The following PSMA1 variants were observed in gnomAD, a reference collection of about 807,000 sequenced individuals.
PSMA1 encodes proteasome 20S subunit alpha 1.
Under a neutral mutation model 38.4 loss-of-function variants are expected in PSMA1, and 3 were observed. That is an observed-to-expected ratio of 0.08 (90% CI 0.04 to 0.20). The LOEUF (loss-of-function observed/expected upper bound fraction) is 0.20, where lower values mean the gene tolerates loss of function less well. Among genes scored for constraint, PSMA1 ranks in the 10% least tolerant of loss-of-function variants. PSMA1 has a pLI of 1.00. For missense variants in PSMA1, 227 were observed against 325.3 expected (o/e 0.70, Z 2.32); for synonymous variants, 101 against 107.1 (o/e 0.94, Z 0.35).
In PSMA1 at chr11:14,559,806, G is replaced by C. The variant is rs547551860; in HGVS notation, c.22-40765C>G. Among the ~76,000 whole-genome samples, 3 of 152,322 alleles carry C rather than the reference G, an allele frequency of 2.0e-5. No homozygotes were observed. In the South Asian group the frequency reaches 6.2e-4, roughly 32 times the overall value. On this transcript the variant is annotated intron_variant, in intron 2 of 10. Coordinates refer to the PSMA1 transcript ENST00000418988. The stretch of plus-strand genomic sequence containing the variant: ...AAAATGAATATAACTGTTGTATCCT[G>C]AGTTCCCTAGAAATAGACTCTGAGA...
At chr11:14,558,249 C>CAAAA (rs35509045) in intron 2 of PSMA1, among the ~76,000 whole-genome samples, 77 of 77,566 alleles carry the variant, frequency 9.9e-4, no homozygotes, top group Middle Eastern at 7.2e-3. Context: ...CCCATCTGCA[C>CAAAA]AAAAAAAAAA....
chr11:14,639,481 C>T (rs970313036), intron 1 of PSMA1, among the ~76,000 whole-genome samples: 6 of 152,156 alleles, frequency 3.9e-5, no homozygotes, highest in Non-Finnish European at 8.8e-5. Flanking sequence ...TGAGGACTTG[C>T]TGTAGGCTAA....
At chr11:14,516,177 T>C (rs1341693159) in intron 4 of PSMA1, among the ~76,000 whole-genome samples, 2 of 148,106 alleles carry the variant, frequency 1.4e-5, no homozygotes, top group Non-Finnish European at 3.0e-5. Context: ...ACCACTGCAC[T>C]CTAGCCTGGG....
chr11:14,540,284 C>T (rs1589987289), intron 2 of PSMA1, among the ~76,000 whole-genome samples: 1 of 152,278 alleles, frequency 6.6e-6, no homozygotes, highest in East Asian at 1.9e-4. Context: ...CATCCAGCTA[C>T]GTTGTCTCAG....
intron 2 of PSMA1, among the ~76,000 whole-genome samples, chr11:14,592,126 A>G (rs1469645488): frequency 6.6e-6 from 1 of 152,074 alleles, no homozygotes; most frequent in Non-Finnish European, 1.5e-5. Context: ...ACCCGCCACA[A>G]GGAAGAAACT....
chr11:14,508,561 C>CAAAAAA lies in PSMA1; in HGVS notation c.625-801_625-796dup, dbSNP rs60499933. Among the ~76,000 whole-genome samples the CAAAAAA allele has an allele frequency of 4.2e-4, 20 of 47,120 alleles. 1 individual carries two copies. Among genetic ancestry groups the CAAAAAA allele is most frequent in the East Asian group, 2.3e-3 (3 of 1,292 alleles). The allele number at this position is 47,120 out of a possible 152,430, so 30.9% of individuals were successfully genotyped here. ...TCCTCTTCCAGTCACCACTCCATCT[C>CAAAAAA]AAAAAAAAAAAAAAAACCCAGATTG... On this transcript the variant is annotated intron_variant, in intron 8 of 9. Coordinates refer to ENST00000396394, the MANE Select transcript of PSMA1 (RefSeq NM_002786.4).
chr11:14,565,114 T>A (rs960219954), intron 2 of PSMA1, among the ~76,000 whole-genome samples: 28 of 152,254 alleles, frequency 1.8e-4, no homozygotes, highest in African/African-American at 6.7e-4. Flanking sequence ...TCATATTGGG[T>A]GACTTGTGGT....
chr11:14,524,377 C>T (rs956331777), upstream of PSMA1, among the ~76,000 whole-genome samples: 2 of 152,114 alleles, frequency 1.3e-5, no homozygotes, highest in Non-Finnish European at 2.9e-5. Context: ...CCTTAACTGA[C>T]GAAGTTCCAC....
At chr11:14,622,645 GA>G (rs1373451632) in intron 1 of PSMA1, among the ~76,000 whole-genome samples, 146 of 152,326 alleles carry the variant, frequency 9.6e-4, no homozygotes, top group African/African-American at 3.3e-3. Context: ...CACAAAGAAG[GA>G]AATGAAGTGG....
At chr11:14,552,433 T>C (rs1037605121) in intron 2 of PSMA1, among the ~76,000 whole-genome samples, 1 of 152,240 alleles carries the variant, frequency 6.6e-6, no homozygotes, top group African/African-American at 2.4e-5. Context: ...ACTTGTTTTT[T>C]TCTTGCACAT....
chr11:14,579,853 AGCTAC>A (rs1476355735), intron 2 of PSMA1, among the ~76,000 whole-genome samples: 1 of 152,152 alleles, frequency 6.6e-6, no homozygotes, highest in Non-Finnish European at 1.5e-5. Flanking sequence ...CCTTCCTACA[AGCTAC>A]ACACCCACAT....
At chr11:14,590,474 A>G (rs1852399937) in intron 2 of PSMA1, among the ~76,000 whole-genome samples, 1 of 152,226 alleles carries the variant, frequency 6.6e-6, no homozygotes, top group Non-Finnish European at 1.5e-5. Flanking sequence ...TGTTTCTAGA[A>G]TGAAGGATTC....
chr11:14,512,315 A>C (rs1335763947), intron 7 of PSMA1, among the ~76,000 whole-genome samples: 1 of 152,190 alleles, frequency 6.6e-6, no homozygotes, highest in African/African-American at 2.4e-5. Context: ...CAGAGGTTGC[A>C]ATAAGCCGAG....
chr11:14,583,414 A>G (rs1161446595), intron 2 of PSMA1, among the ~76,000 whole-genome samples: 2 of 152,136 alleles, frequency 1.3e-5, no homozygotes, highest in Non-Finnish European at 2.9e-5. Flanking sequence ...GAGTGCCTTC[A>G]GGGCAACAGA....
rs2133729737 is a variant in PSMA1 at position 14,641,948 on chromosome 11, C to T, written c.-166+1507G>A. ...CATTTCACATTTGAGAAGAACAAGGCCAGTAAAAGTTATAGGATTGCTTAA... is the reference window on the plus strand; with the variant it reads ...CATTTCACATTTGAGAAGAACAAGGTCAGTAAAAGTTATAGGATTGCTTAA... On this transcript the variant is annotated intron_variant, in intron 1 of 10. Transcript: ENST00000418988. 2.0e-5 allele frequency among the ~76,000 whole-genome samples: 3 copies of T among 152,234 alleles called. No individual in the cohort carries two copies. In the East Asian group the frequency reaches 5.8e-4, roughly 29 times the overall value.
intron 2 of PSMA1, among the ~76,000 whole-genome samples, chr11:14,563,434 C>T (rs1852033029): frequency 6.6e-6 from 1 of 152,130 alleles, no homozygotes; most frequent in Non-Finnish European, 1.5e-5. Context: ...TATCCTTAAA[C>T]CCCCTAATGG....
chr11:14,619,348 C>T (rs1355392777), intron 1 of PSMA1, among the ~76,000 whole-genome samples: 1 of 151,756 alleles, frequency 6.6e-6, no homozygotes, highest in African/African-American at 2.4e-5. Flanking sequence ...ACTTGGTAAA[C>T]TGAAGTAGGG....
intron 2 of PSMA1, among the ~76,000 whole-genome samples, chr11:14,604,778 A>G (rs1021027491): frequency 6.6e-6 from 1 of 151,992 alleles, no homozygotes; most frequent in African/African-American, 2.4e-5. Context: ...TAAGTACCCA[A>G]TGTTTAGCTC....
At chr11:14,505,828 G>T (rs1010126625) in intron 9 of PSMA1, among the ~76,000 whole-genome samples, 1 of 152,156 alleles carries the variant, frequency 6.6e-6, no homozygotes, top group Middle Eastern at 3.4e-3. Context: ...AACACAGTGA[G>T]ATCCCATCTC....
Sources: gnomAD v4.1 joint callset for allele counts (sites outside exome capture counted in the v4.1 genomes callset) on GRCh38, gnomAD v4.1.1 for gene constraint, MANE v1.5 for transcripts, NCBI Gene and HGNC (gene_info 2026-07-23, HGNC 2026-07-21) for gene names.